The following ZFAT variants were observed in gnomAD, a reference collection of about 807,000 sequenced individuals.
ZFAT encodes the protein zinc finger protein ZFAT.
A neutral mutation model predicts 117.7 loss-of-function variants in ZFAT; 64 were observed. That is an observed-to-expected ratio of 0.54 (90% confidence interval 0.44 to 0.67). The LOEUF is 0.67. Ranked by LOEUF, ZFAT falls within the 30% of genes least tolerant of loss-of-function variation. The pLI is 0.00. For missense variants in ZFAT, 1,433 were observed against 1,584.5 expected (o/e 0.90, Z 1.62); for synonymous variants, 679 against 615.0 (o/e 1.10, Z -1.54).
chr8:134,479,668 G>A (rs938370637), intron 15 of ZFAT, among the ~76,000 whole-genome samples: 4 of 152,160 alleles, frequency 2.6e-5, no homozygotes, highest in African/African-American at 9.7e-5. Flanking sequence ...TTACAGAGGG[G>A]TGTCAGGGAC....
At chr8:134,546,090 G>A (rs1822670430) in intron 11 of ZFAT, among the ~76,000 whole-genome samples, 1 of 152,162 alleles carries the variant, frequency 6.6e-6, no homozygotes, top group African/African-American at 2.4e-5. Flanking sequence ...ACTTATTGCA[G>A]CACATGCAAA....
At chr8:134,769,308 G>T in the ZFAT span, among the ~76,000 whole-genome samples, 2 of 152,196 alleles carry the variant, frequency 1.3e-5, 1 homozygote, top group Admixed American at 1.3e-4. Context: ...TAGCCATTGG[G>T]TAAATATACC....
Position 134,495,526 on chromosome 8 carries a change from G to A in ZFAT, c.3492+14093C>T, listed in dbSNP as rs1423293686. Among the ~76,000 whole-genome samples the A allele has an allele frequency of 2.0e-5, 3 of 152,172 alleles. No individual in the cohort carries two copies. In the East Asian group the frequency reaches 5.8e-4, roughly 29 times the overall value. On this transcript the variant is annotated intron_variant, in intron 15 of 15. Coordinates refer to ENST00000377838, the MANE Select transcript of ZFAT (RefSeq NM_020863.4). ...CTCCTCTAAGGGAATTACTCACAAT[G>A]ACTCAACAACTGGAGTTTGTAAGGG... is the stretch of plus-strand genomic sequence containing the variant.
chr8:134,806,949 A>T, the ZFAT span, among the ~76,000 whole-genome samples: 1 of 152,216 alleles, frequency 6.6e-6, no homozygotes, highest in Non-Finnish European at 1.5e-5. Context: ...CATTTTTGGC[A>T]TGCTTTATGA....
At chr8:134,657,253 G>C (rs565970195) in intron 2 of ZFAT, among the ~76,000 whole-genome samples, 1 of 152,312 alleles carries the variant, frequency 6.6e-6, no homozygotes, top group African/African-American at 2.4e-5. Context: ...ATTGGCTTCA[G>C]GTAATGCAGC....
chr8:134,562,363 G>A (rs1261858037), intron 11 of ZFAT, among the ~76,000 whole-genome samples: 1 of 152,166 alleles, frequency 6.6e-6, no homozygotes, highest in African/African-American at 2.4e-5. Context: ...CCACTAAATT[G>A]GTGGTAATCT....
chr8:134,644,314 G>T (rs1830749743), intron 2 of ZFAT, among the ~76,000 whole-genome samples: 1 of 152,094 alleles, frequency 6.6e-6, no homozygotes, highest in Non-Finnish European at 1.5e-5. Context: ...TCCTGCAGAG[G>T]GTCTGAAATC....
chr8:134,642,828 C>T (rs924377825), intron 2 of ZFAT, among the ~76,000 whole-genome samples: 1 of 152,200 alleles, frequency 6.6e-6, no homozygotes, highest in Non-Finnish European at 1.5e-5. Context: ...AGTCAATCTC[C>T]CTGACGTTTA....
At chr8:134,682,487 C>CT (rs766012372) in intron 1 of ZFAT, among the ~76,000 whole-genome samples, 123 of 152,150 alleles carry the variant, frequency 8.1e-4, no homozygotes, top group Non-Finnish European at 1.4e-3. Context: ...AAACCTGTCT[C>CT]TATCAAAAAT....
At chr8:134,506,104 C>CA (rs1321902899) in intron 15 of ZFAT, among the ~76,000 whole-genome samples, 2 of 152,180 alleles carry the variant, frequency 1.3e-5, no homozygotes. Flanking sequence ...AATTTTGACT[C>CA]AGAGATGCTC....
chr8:134,639,060 G>GAC (rs1170887020), intron 2 of ZFAT, among the ~76,000 whole-genome samples: 1 of 152,154 alleles, frequency 6.6e-6, no homozygotes, highest in Non-Finnish European at 1.5e-5. Context: ...TGCACAGTAG[G>GAC]ACACCAGCCA....
chr8:134,541,859 T>C (rs144896108), intron 11 of ZFAT, among the ~76,000 whole-genome samples: 113 of 152,348 alleles, frequency 7.4e-4, no homozygotes, highest in African/African-American at 2.6e-3. Flanking sequence ...CGGCTGAGTA[T>C]CTACTACATG....
chr8:134,631,019 G>A (rs1043826460), intron 3 of ZFAT, among the ~76,000 whole-genome samples: 1 of 152,190 alleles, frequency 6.6e-6, no homozygotes, highest in Admixed American at 6.5e-5. Flanking sequence ...CAAGGCAGCT[G>A]GGCATAAGGT....
intron 15 of ZFAT, among the ~76,000 whole-genome samples, chr8:134,508,693 C>T (rs1819595705): frequency 6.6e-6 from 1 of 152,174 alleles, no homozygotes. Context: ...TATCCTTTTC[C>T]CCACTGGAAA....
At chr8:134,520,586 C>T (rs1820585771) in intron 13 of ZFAT, among the ~76,000 whole-genome samples, 1 of 152,078 alleles carries the variant, frequency 6.6e-6, no homozygotes, top group South Asian at 2.1e-4. Context: ...CTTTCAGATG[C>T]AACATCTGAA....
intron 3 of ZFAT, among the ~76,000 whole-genome samples, chr8:134,620,032 T>C (rs1264518863): frequency 6.6e-6 from 1 of 152,158 alleles, no homozygotes; most frequent in Non-Finnish European, 1.5e-5. Flanking sequence ...GATGAGGTGA[T>C]AGTCAAATGG....
At chr8:134,676,803 C>T (rs1238843272) in intron 1 of ZFAT, among the ~76,000 whole-genome samples, 8 of 152,162 alleles carry the variant, frequency 5.3e-5, no homozygotes, top group African/African-American at 1.4e-4. Flanking sequence ...CACTCAAAAC[C>T]GCTCAATTAC....
At chr8:134,675,291 A>G (rs10095708) in intron 1 of ZFAT, among the ~76,000 whole-genome samples, 52,550 of 152,076 alleles carry the variant, frequency 0.35, 9,450 homozygotes, top group South Asian at 0.43. Context: ...ACACAGCACG[A>G]AAATTTCATG....
chr8:134,763,849 T>A, the ZFAT span, among the ~76,000 whole-genome samples: 1 of 152,198 alleles, frequency 6.6e-6, no homozygotes, highest in Non-Finnish European at 1.5e-5. Context: ...GATGGTCCTG[T>A]CTTTCCAGAA....
Sources: gnomAD v4.1 joint callset for allele counts (sites outside exome capture counted in the v4.1 genomes callset) on GRCh38, gnomAD v4.1.1 for gene constraint, MANE v1.5 for transcripts, NCBI Gene and HGNC (gene_info 2026-07-23, HGNC 2026-07-21) for gene names.